RAPGEF4: variants seen among roughly 807,000 people sequenced by gnomAD.
The protein encoded by RAPGEF4 is Rap guanine nucleotide exchange factor 4.
In RAPGEF4, 66 loss-of-function variants were observed where a neutral mutation model predicts 147.9. The ratio of observed to expected loss-of-function variants is 0.45; its 90% confidence interval spans 0.37 to 0.55. The LOEUF is 0.55. RAPGEF4 is among the 20% of genes least tolerant of loss of function. The pLI is 0.00. For missense variants in RAPGEF4, 1,071 were observed against 1,257.3 expected, an observed-to-expected ratio of 0.85 and a Z score of 2.24; for synonymous variants, 419 against 442.7, an observed-to-expected ratio of 0.95 and a Z score of 0.67.
chr2:172,825,224 A>T (rs1689536402), intron 4 of RAPGEF4, among the ~76,000 whole-genome samples: 1 of 152,262 alleles, frequency 6.6e-6, no homozygotes, highest in African/African-American at 2.4e-5. Flanking sequence ...CACTTACATT[A>T]GCCTACAGTT....
At chr2:172,956,509 G>A (rs1414101253) in intron 6 of RAPGEF4, among the ~76,000 whole-genome samples, 7 of 140,428 alleles carry the variant, frequency 5.0e-5, no homozygotes, top group East Asian at 2.1e-4. Flanking sequence ...TCACTCTGTC[G>A]CCCAGGCTGG....
At chr2:173,030,873 G>A (rs919682548) in intron 26 of RAPGEF4, among the ~76,000 whole-genome samples, 6 of 152,160 alleles carry the variant, frequency 3.9e-5, no homozygotes, top group Non-Finnish European at 8.8e-5. Flanking sequence ...CGAGAGTTGG[G>A]TATTCAAGCT....
At chr2:172,755,101 T>C (rs1695646559) in intron 1 of RAPGEF4, among the ~76,000 whole-genome samples, 1 of 152,044 alleles carries the variant, frequency 6.6e-6, no homozygotes, top group Non-Finnish European at 1.5e-5. Context: ...TATGTGGCCG[T>C]AGAACCCTGA....
intron 4 of RAPGEF4, among the ~76,000 whole-genome samples, chr2:172,903,562 A>T (rs1699312987): frequency 6.6e-6 from 1 of 152,028 alleles, no homozygotes; most frequent in African/African-American, 2.4e-5. Context: ...AAGTTTCTAA[A>T]GATGAAGAAT....
chr2:172,908,745 T>C (rs1454840216), intron 4 of RAPGEF4, among the ~76,000 whole-genome samples: 2 of 152,140 alleles, frequency 1.3e-5, no homozygotes, highest in Non-Finnish European at 2.9e-5. Flanking sequence ...AGGCCATGCT[T>C]GTGTGGTGTG....
At chr2:172,760,178 CCCATCA>C (rs563360925) in intron 1 of RAPGEF4, among the ~76,000 whole-genome samples, 89 of 152,326 alleles carry the variant, frequency 5.8e-4, no homozygotes, top group African/African-American at 2.0e-3. Context: ...TACCTCCACC[CCCATCA>C]GCAAAGACCA....
At chr2:173,050,228 G>A (rs924264322) in intron 30 of RAPGEF4, among the ~76,000 whole-genome samples, 8 of 152,222 alleles carry the variant, frequency 5.3e-5, no homozygotes, top group African/African-American at 1.9e-4. Flanking sequence ...TATAGGAATA[G>A]ATTCACAAAC....
Position 173,001,331 on chromosome 2 carries a change from G to A in RAPGEF4, c.1645G>A (p.Ala549Thr), listed in dbSNP as rs1559175648. 1 of 1,613,902 alleles carries A rather than the reference G, an allele frequency of 6.2e-7. No individual in the cohort carries two copies. The highest frequency in any genetic ancestry group is 1.7e-5 in the Admixed American group (1 of 60,008). Residue 549 changes from alanine to threonine, a missense_variant, in exon 17 of 31, where the codon GCA becomes ACA. Coordinates refer to ENST00000397081, the MANE Select transcript of RAPGEF4 (RefSeq NM_007023.4). ...VFMPNTQLCP[A>T]LVAHYHAQPS... is the part of the protein sequence containing the mutation. ...TATGCCAAATACCCAGCTTTGCCCGGCACTGGTGGCCCAATATCCTTTTAT... is the reference window on the plus strand; with the variant it reads ...TATGCCAAATACCCAGCTTTGCCCGACACTGGTGGCCCAATATCCTTTTAT...
chr2:172,943,504 T>G (rs1298920593), intron 6 of RAPGEF4, among the ~76,000 whole-genome samples: 1 of 152,174 alleles, frequency 6.6e-6, no homozygotes, highest in Admixed American at 6.5e-5. Context: ...TGTGACTCAC[T>G]TGGCACACAG....
At chr2:173,037,074 G>A (rs985645246) in intron 29 of RAPGEF4, among the ~76,000 whole-genome samples, 4 of 152,174 alleles carry the variant, frequency 2.6e-5, no homozygotes, top group South Asian at 2.1e-4. Context: ...TTCAGTGCCC[G>A]TAGGTAAAAG....
intron 6 of RAPGEF4, among the ~76,000 whole-genome samples, chr2:172,931,172 T>C (rs867224578): frequency 1.6e-4 from 1 of 6,378 alleles, no homozygotes. Flanking sequence ...CAGGCCGGGG[T>C]GGGGGGGGGG....
At chr2:173,006,417 T>A (rs1489977545) in intron 17 of RAPGEF4, among the ~76,000 whole-genome samples, 1 of 152,244 alleles carries the variant, frequency 6.6e-6, no homozygotes, top group Non-Finnish European at 1.5e-5. Context: ...TGGACAGTTT[T>A]TTTTGTTAGT....
chr2:172,970,714 CT>C (rs748056235), intron 10 of RAPGEF4, among the ~76,000 whole-genome samples: 3 of 151,970 alleles, frequency 2.0e-5, no homozygotes, highest in Admixed American at 6.5e-5. Context: ...AGCATTTTAA[CT>C]GTCAAACTAT....
At chr2:172,925,915 AAG>A (rs1403779096) in intron 6 of RAPGEF4, among the ~76,000 whole-genome samples, 5 of 141,120 alleles carry the variant, frequency 3.5e-5, no homozygotes, top group Non-Finnish European at 6.2e-5. Flanking sequence ...GAGAGAAAGA[AAG>A]AGTAAAAAAG....
chr2:173,003,619 C>CA (rs1559177349), intron 17 of RAPGEF4, among the ~76,000 whole-genome samples: 1 of 151,080 alleles, frequency 6.6e-6, no homozygotes, highest in Non-Finnish European at 1.5e-5. Context: ...CCAGCCCCCA[C>CA]AAAAAAACAA....
intron 9 of RAPGEF4, among the ~76,000 whole-genome samples, chr2:172,966,771 C>T (rs964552116): frequency 2.0e-5 from 3 of 152,178 alleles, no homozygotes; most frequent in African/African-American, 7.2e-5. Flanking sequence ...TAATTTTATA[C>T]TAACATTTTT....
chr2:173,034,636 G>A (rs1683683032), intron 27 of RAPGEF4, among the ~76,000 whole-genome samples: 1 of 152,102 alleles, frequency 6.6e-6, no homozygotes, highest in Non-Finnish European at 1.5e-5. Context: ...CACTTTGGGA[G>A]GCCAGGAAAG....
chr2:173,020,364 G>A (rs1695959320), intron 22 of RAPGEF4, among the ~76,000 whole-genome samples: 1 of 152,194 alleles, frequency 6.6e-6, no homozygotes, highest in African/African-American at 2.4e-5. Context: ...TATGGTTGCA[G>A]CACAAAACTG....
intron 6 of RAPGEF4, chr2:172,928,368 GA>G (rs3835838): frequency 0.62 from 223,798 of 360,710 alleles, 70,088 homozygotes; most frequent in East Asian, 0.7. Flanking sequence ...GCATTTTTAG[GA>G]ATGACGTGTA....
Sources: gnomAD v4.1 joint callset for allele counts (sites outside exome capture counted in the v4.1 genomes callset) on GRCh38, gnomAD v4.1.1 for gene constraint, MANE v1.5 for transcripts, NCBI Gene and HGNC (gene_info 2026-07-23, HGNC 2026-07-21) for gene names.